PSTPIP2: variants seen among roughly 807,000 people sequenced by gnomAD.
The protein encoded by PSTPIP2 is proline-serine-threonine phosphatase interacting protein 2, also known as proline-serine-threonine phosphatase-interacting protein 2.
Under a neutral mutation model 63.3 loss-of-function variants are expected in PSTPIP2, and 33 were observed. The observed-to-expected ratio is 0.52, with a 90% CI of 0.40 to 0.70. PSTPIP2 has a LOEUF of 0.70. Ranked by LOEUF, PSTPIP2 falls within the 30% of genes least tolerant of loss-of-function variation. PSTPIP2 has a pLI of 0.00. For synonymous variants in PSTPIP2, 125 were observed against 132.7 expected (o/e 0.94, Z 0.40); for missense variants, 312 against 400.7 (o/e 0.78, Z 1.89).
In PSTPIP2 at chr18:46,058,924, G is replaced by C. The variant is rs114621673; in HGVS notation, c.33+13232C>G. Among the ~76,000 whole-genome samples, 4 of 152,276 alleles carry C rather than the reference G, an allele frequency of 2.6e-5. No homozygotes were observed. In the South Asian group the frequency reaches 8.3e-4, roughly 32 times the overall value. On this transcript the variant is annotated intron_variant, in intron 1 of 14. Transcript: ENST00000409746. ...CTGGTCCACTTCCATCTGGGTTTGG[G>C]TACAAGTTGCAGGTTTGGTATTTTT...
At chr18:46,050,472 T>G (rs1277069424) in intron 1 of PSTPIP2, among the ~76,000 whole-genome samples, 1 of 151,980 alleles carries the variant, frequency 6.6e-6, no homozygotes, top group Non-Finnish European at 1.5e-5. Context: ...CCTGGGATGC[T>G]AAGGTGAGAG....
At chr18:46,004,091 T>C (rs2051699550) in intron 6 of PSTPIP2, among the ~76,000 whole-genome samples, 1 of 152,308 alleles carries the variant, frequency 6.6e-6, no homozygotes, top group Middle Eastern at 3.4e-3. Flanking sequence ...GATAAGCCTT[T>C]CTCTTTAATT....
At chr18:46,047,192 T>C (rs1310547463) in intron 1 of PSTPIP2, among the ~76,000 whole-genome samples, 1 of 152,222 alleles carries the variant, frequency 6.6e-6, no homozygotes, top group Non-Finnish European at 1.5e-5. Context: ...TCAACCTTGA[T>C]CTTTCTTTCC....
chr18:46,017,596 T>C (rs539773491), intron 3 of PSTPIP2, among the ~76,000 whole-genome samples: 123 of 152,254 alleles, frequency 8.1e-4, no homozygotes, highest in African/African-American at 2.9e-3. Context: ...TTTTCTGTGA[T>C]GAATTCCAGA....
chr18:45,993,877 G>A (rs1314501722), intron 9 of PSTPIP2, 174 bp from the exon 10 acceptor site: 10 of 605,200 alleles, frequency 1.7e-5, no homozygotes, highest in Non-Finnish European at 2.9e-5. Flanking sequence ...CACAAAGAAT[G>A]CAAACAAATC....
At chr18:46,047,919 G>A (rs1908441574) in intron 1 of PSTPIP2, among the ~76,000 whole-genome samples, 3 of 152,150 alleles carry the variant, frequency 2.0e-5, no homozygotes. Context: ...TAATTATAAA[G>A]GGGGAATCAG....
At chr18:46,061,703 G>A (rs574182334) in intron 1 of PSTPIP2, among the ~76,000 whole-genome samples, 91 of 152,306 alleles carry the variant, frequency 6.0e-4, no homozygotes, top group East Asian at 1.9e-3. Flanking sequence ...GGCCATCTGC[G>A]GAAGTGCTGA....
At position 46,011,202 on chromosome 18, in the gene PSTPIP2, C is replaced by T. The variant is rs1260082484; in HGVS notation, c.333G>A (p.Lys111=). 4 of 1,613,652 alleles carry T rather than the reference C, an allele frequency of 2.5e-6. No homozygotes were observed. The East Asian group carries it at 6.7e-5, about 27-fold the overall frequency. The part of the protein sequence containing the change: ...EARKMEEFRE[K]QKLQRKKTEL... ...CAACCTTTTTTCGTTGTAGTTTTTGCTTTTCCCTGAATTCTTCCATCTTCC... is the reference window on the plus strand; with the variant it reads ...CAACCTTTTTTCGTTGTAGTTTTTGTTTTTCCCTGAATTCTTCCATCTTCC... The change falls in exon 5 of 15, where the codon AAG becomes AAA. Residue 111 remains lysine, a synonymous_variant. Coordinates refer to ENST00000409746, the MANE Select transcript of PSTPIP2 (RefSeq NM_024430.4).
chr18:46,006,036 G>A (rs993984565), intron 5 of PSTPIP2, among the ~76,000 whole-genome samples: 1 of 152,006 alleles, frequency 6.6e-6, no homozygotes, highest in Non-Finnish European at 1.5e-5. Flanking sequence ...AAAAGAAGCT[G>A]TTCTGTTACT....
At position 46,026,676 on chromosome 18, in the gene PSTPIP2, G is replaced by A. The variant is rs545340113; in HGVS notation, c.135-1990C>T. 5.9e-5 allele frequency among the ~76,000 whole-genome samples: 9 copies of A among 152,072 alleles called. No homozygotes were observed. The South Asian group carries it at 1.7e-3, about 28-fold the overall frequency. ...GTATTGCTTGAGACCACGATTTCAAGAGCAGCCCTGGCAACACAGCAAGAC... is the reference window on the plus strand; with the variant it reads ...GTATTGCTTGAGACCACGATTTCAAAAGCAGCCCTGGCAACACAGCAAGAC... On this transcript the variant is annotated intron_variant, in intron 2 of 14. Transcript: ENST00000409746.
chr18:45,985,563 T>C, intron 14 of PSTPIP2, 113 bp from the exon 15 acceptor site: 1 of 1,005,490 alleles, frequency 9.9e-7, no homozygotes. Context: ...GGAAAACAAA[T>C]GGTGAGGAAT....
At chr18:46,049,266 C>CACAT (rs1324323673) in intron 1 of PSTPIP2, among the ~76,000 whole-genome samples, 17 of 151,988 alleles carry the variant, frequency 1.1e-4, no homozygotes, top group African/African-American at 4.1e-4. Flanking sequence ...ATGATGAGAA[C>CACAT]ACATGGACAC....
intron 2 of PSTPIP2, chr18:46,028,417 C>A: frequency 1.9e-6 from 1 of 536,998 alleles, no homozygotes; most frequent in Non-Finnish European, 3.7e-6. Flanking sequence ...AGAGGAGAGA[C>A]GGCTCCGGCA....
At chr18:46,012,675 A>G (rs1446843410) in intron 4 of PSTPIP2, among the ~76,000 whole-genome samples, 1 of 152,160 alleles carries the variant, frequency 6.6e-6, no homozygotes, top group African/African-American at 2.4e-5. Flanking sequence ...CAGGAAGCTG[A>G]GGCAGGAGAA....
At chr18:46,033,809 C>G (rs371926238) in intron 2 of PSTPIP2, among the ~76,000 whole-genome samples, 31 of 152,008 alleles carry the variant, frequency 2.0e-4, no homozygotes, top group African/African-American at 7.5e-4. Flanking sequence ...CCAAGGATTG[C>G]TGATGACACC....
intron 2 of PSTPIP2, among the ~76,000 whole-genome samples, chr18:46,034,174 A>G (rs1392411866): frequency 6.6e-6 from 1 of 152,172 alleles, no homozygotes; most frequent in African/African-American, 2.4e-5. Flanking sequence ...CTTATGGGGA[A>G]GAGTACAGAG....
Position 45,985,328 on chromosome 18 carries a change from T to C in PSTPIP2, c.*131A>G. 2 of 1,328,486 alleles carry C rather than the reference T, an allele frequency of 1.5e-6. No homozygotes were observed. 82.3% of individuals were successfully genotyped at this position (1,328,486 alleles called of 1,614,324 possible). On this transcript the variant is annotated 3_prime_UTR_variant, in exon 15 of 15. Transcript: ENST00000409746. ...ATGTCTACCATAAATTTTAAATCTC[T>C]AAAAAATTATAGCAAGGGTTCACTT...
intron 3 of PSTPIP2, among the ~76,000 whole-genome samples, chr18:46,019,113 A>G (rs1407630995): frequency 6.6e-6 from 1 of 152,020 alleles, no homozygotes; most frequent in African/African-American, 2.4e-5. Context: ...TTTCTTGCTC[A>G]CTGCTACTTT....
chr18:46,002,780 AC>A lies in PSTPIP2; in HGVS notation c.417+2688del, dbSNP rs35949928. Among the ~76,000 whole-genome samples, 209 of 151,784 alleles carry A rather than the reference AC, an allele frequency of 1.4e-3. 2 individuals carry two copies. Among genetic ancestry groups the A allele is most frequent in the African/African-American group, 4.8e-3 (199 of 41,374 alleles). ...AGGCCAGCCTGGGCAACATTGTGAG[AC>A]CCCCCCATCTCAAAAAAAGTGTCTT... On this transcript the variant is annotated intron_variant, in intron 6 of 14. Transcript: ENST00000409746.
Sources: gnomAD v4.1 joint callset for allele counts (sites outside exome capture counted in the v4.1 genomes callset) on GRCh38, gnomAD v4.1.1 for gene constraint, MANE v1.5 for transcripts, NCBI Gene and HGNC (gene_info 2026-07-23, HGNC 2026-07-21) for gene names.